SMC1B: variants seen among roughly 807,000 people sequenced by gnomAD.
SMC1B encodes structural maintenance of chromosomes protein 1B.
A neutral mutation model predicts 157.9 loss-of-function variants in SMC1B; 60 were observed. The ratio of observed to expected loss-of-function variants is 0.38; its 90% confidence interval spans 0.31 to 0.47. The LOEUF (loss-of-function observed/expected upper bound fraction) is 0.47. SMC1B is among the 20% of genes least tolerant of loss of function. The pLI is 0.99. For missense variants in SMC1B, 1,165 were observed against 1,426.2 expected, an observed-to-expected ratio of 0.82 and a Z score of 2.95; for synonymous variants, 445 against 483.0, an observed-to-expected ratio of 0.92 and a Z score of 1.03.
chr22:45,349,743 A>G lies in SMC1B; in HGVS notation c.3480T>C (p.Asn1160=), dbSNP rs2086592389. 2.5e-6 allele frequency: 4 copies of G among 1,612,922 alleles called. No homozygotes were observed. Among genetic ancestry groups the G allele is most frequent in the Non-Finnish European group, 3.4e-6 (4 of 1,179,594 alleles). The change falls in exon 23 of 25, where the codon AAT becomes AAC. Residue 1160 remains asparagine (N), a synonymous_variant. Transcript: ENST00000357450. ...VLDEVDAALD[N]TNIGKVSSYI... ...AGAAACTTACTTTGCCTATGTTAGT[A>G]TTGTCTAGGGCTGCATCCACTTCAT... is the stretch of plus-strand genomic sequence containing the variant.
At chr22:45,411,728 A>G (rs1388335268) in intron 1 of SMC1B, among the ~76,000 whole-genome samples, 1 of 151,990 alleles carries the variant, frequency 6.6e-6, no homozygotes, top group African/African-American at 2.4e-5. Context: ...CTGGGACTAC[A>G]GGCGTGCGCC....
chr22:45,401,723 TG>T (rs2087196501), intron 5 of SMC1B, among the ~76,000 whole-genome samples: 1 of 152,218 alleles, frequency 6.6e-6, no homozygotes, highest in East Asian at 1.9e-4. Context: ...AAGACCCAAT[TG>T]GGAGCCCCTC....
intron 9 of SMC1B, among the ~76,000 whole-genome samples, chr22:45,393,081 T>C (rs930125324): frequency 1.3e-5 from 2 of 152,090 alleles, no homozygotes; most frequent in Non-Finnish European, 2.9e-5. Context: ...GACTGCACAG[T>C]ATACACTGAT....
At chr22:45,398,539 TCCTGCATCGGCCGGGCATGGTGGCTCACG>T (rs1366992460) in intron 6 of SMC1B, among the ~76,000 whole-genome samples, 1 of 151,934 alleles carries the variant, frequency 6.6e-6, no homozygotes, top group African/African-American at 2.4e-5. Flanking sequence ...CTGAGAAAAA[TCCTGCATCGGCCGGGCATGGTGGCTCACG>T]CCTGTAATCC....
chr22:45,350,629 G>GAGA (rs2086605498), intron 22 of SMC1B, among the ~76,000 whole-genome samples: 1 of 152,132 alleles, frequency 6.6e-6, no homozygotes, highest in East Asian at 1.9e-4. Context: ...ACAATTCCAT[G>GAGA]TGGGTGACTA....
chr22:45,346,725 A>G (rs1166621871), intron 23 of SMC1B, among the ~76,000 whole-genome samples: 1 of 152,230 alleles, frequency 6.6e-6, no homozygotes, highest in Non-Finnish European at 1.5e-5. Flanking sequence ...TGGGCCCATA[A>G]TAGGAAAAGA....
chr22:45,408,534 T>C (rs2087290826), intron 2 of SMC1B, among the ~76,000 whole-genome samples, 176 bp downstream of exon 2: 1 of 152,164 alleles, frequency 6.6e-6, no homozygotes, highest in Non-Finnish European at 1.5e-5. Flanking sequence ...TGGAGAAATA[T>C]GTGGCGAATC....
Position 45,389,839 on chromosome 22 carries a change from G to A in SMC1B, c.1604C>T (p.Thr535Ile). 1.2e-6 allele frequency: 2 copies of A among 1,614,060 alleles called. No individual in the cohort carries two copies. Among genetic ancestry groups the A allele is most frequent in the Middle Eastern group, 1.7e-4 (1 of 6,060 alleles). ...AGTGATGAACCGGCCAAAAACCTTA[G>A]TAACAGCCAGCTGGTATTTCTTATG... The part of the protein sequence containing the change: ...PIHKKYQLAV[T>I]KVFGRFITAI... Residue 535 changes from threonine to isoleucine, a missense_variant, in exon 10 of 25, where the codon ACT becomes ATT. Transcript: ENST00000357450.
intron 19 of SMC1B, among the ~76,000 whole-genome samples, chr22:45,358,159 C>A (rs1350824013): frequency 6.6e-6 from 1 of 152,094 alleles, no homozygotes; most frequent in Non-Finnish European, 1.5e-5. Context: ...GGGCATGGAC[C>A]CTTTCTCATA....
chr22:45,395,785 A>G (rs1293699434), intron 7 of SMC1B, among the ~76,000 whole-genome samples: 1 of 152,228 alleles, frequency 6.6e-6, no homozygotes, highest in African/African-American at 2.4e-5. Context: ...TGAACCTGGG[A>G]GGCGGAGGTT....
At chr22:45,382,251 C>T (rs535585804) in intron 12 of SMC1B, among the ~76,000 whole-genome samples, 1 of 152,014 alleles carries the variant, frequency 6.6e-6, no homozygotes, top group East Asian at 1.9e-4. Context: ...GCATGTATGA[C>T]AAAAAGAACA....
intron 17 of SMC1B, among the ~76,000 whole-genome samples, chr22:45,361,154 G>A (rs756740691): frequency 2.6e-5 from 4 of 152,124 alleles, no homozygotes; most frequent in Non-Finnish European, 5.9e-5. Context: ...CAGCAGAGCT[G>A]GGATATGAAA....
Position 45,380,170 on chromosome 22 carries a change from T to C in SMC1B, c.2058+3297A>G, listed in dbSNP as rs192789966. 3.8e-4 allele frequency among the ~76,000 whole-genome samples: 58 copies of C among 152,324 alleles called. 2 individuals are homozygous for C. The highest frequency in any genetic ancestry group is 1.3e-4 in the Non-Finnish European group (9 of 68,020). On this transcript the variant is annotated intron_variant, in intron 12 of 24. Coordinates refer to ENST00000357450, the MANE Select transcript of SMC1B (RefSeq NM_148674.5). ...CCTCTTCCTTTTAGCTATTATTCCA[T>C]AGTCCCATCCAGTTTTGCAGTCTGA... is the stretch of plus-strand genomic sequence containing the variant.
chr22:45,409,088 CTA>C (rs1285598002), intron 1 of SMC1B, among the ~76,000 whole-genome samples, 190 bp from the exon 2 acceptor site: 1 of 152,176 alleles, frequency 6.6e-6, no homozygotes, highest in Non-Finnish European at 1.5e-5. Flanking sequence ...CTATTGTAGA[CTA>C]TTAAGAGGTC....
At chr22:45,355,556 C>T (rs892809175) in intron 19 of SMC1B, among the ~76,000 whole-genome samples, 7 of 152,102 alleles carry the variant, frequency 4.6e-5, no homozygotes, top group African/African-American at 1.7e-4. Context: ...TGACCTTAAG[C>T]AATCCTCCCA....
intron 1 of SMC1B, among the ~76,000 whole-genome samples, chr22:45,412,657 C>T (rs2087357332): frequency 6.6e-6 from 1 of 152,024 alleles, no homozygotes; most frequent in Admixed American, 6.5e-5. Flanking sequence ...CAGGCGTGTG[C>T]CACCACACCC....
At chr22:45,401,136 A>T (rs1020382294) in intron 5 of SMC1B, among the ~76,000 whole-genome samples, 4 of 152,236 alleles carry the variant, frequency 2.6e-5, no homozygotes, top group African/African-American at 9.6e-5. Flanking sequence ...TAGTTTATTA[A>T]TTCTGACAAT....
At chr22:45,354,271 A>G in intron 20 of SMC1B, 139 bp from the exon 21 acceptor site, 1 of 586,674 alleles carries the variant, frequency 1.7e-6, no homozygotes, top group South Asian at 3.2e-5. Flanking sequence ...TACCTAAACT[A>G]TTATTAATTC....
intron 12 of SMC1B, among the ~76,000 whole-genome samples, chr22:45,380,767 T>TA (rs995563196): frequency 5.3e-5 from 8 of 151,100 alleles, no homozygotes; most frequent in East Asian, 3.9e-4. Flanking sequence ...AAAATTAAAA[T>TA]AAAAAAAAAT....
Sources: gnomAD v4.1 joint callset for allele counts (sites outside exome capture counted in the v4.1 genomes callset) on GRCh38, gnomAD v4.1.1 for gene constraint, MANE v1.5 for transcripts, NCBI Gene and HGNC (gene_info 2026-07-23, HGNC 2026-07-21) for gene names.